ARL15: variants seen among roughly 807,000 people sequenced by gnomAD.
ARL15 encodes ARF like GTPase 15.
ARL15 carries 19 observed loss-of-function variants against 25.2 expected under a neutral mutation model. That is an observed-to-expected ratio of 0.75 (90% CI 0.53 to 1.10). The LOEUF (loss-of-function observed/expected upper bound fraction) is 1.10, where lower values mean the gene tolerates loss of function less well. Ranked by LOEUF, ARL15 falls within the 50% of genes least tolerant of loss-of-function variation. The pLI is 0.00. For missense variants in ARL15, 220 were observed against 246.0 expected, an observed-to-expected ratio of 0.89 and a Z score of 0.71; for synonymous variants, 94 against 86.8, an observed-to-expected ratio of 1.08 and a Z score of -0.46.
At chr5:54,127,947 G>A (rs917425323) in intron 3 of ARL15, among the ~76,000 whole-genome samples, 9 of 152,076 alleles carry the variant, frequency 5.9e-5, no homozygotes, top group Admixed American at 5.2e-4. Flanking sequence ...AAATGGTGCT[G>A]GGAAAACTGG....
intron 2 of ARL15, among the ~76,000 whole-genome samples, chr5:54,162,056 A>G (rs1404777065): frequency 6.6e-6 from 1 of 151,552 alleles, no homozygotes; most frequent in African/African-American, 2.4e-5. Flanking sequence ...ATGAACAACC[A>G]AAAGAATTCT....
At chr5:54,043,052 C>T (rs1168527357) in intron 4 of ARL15, among the ~76,000 whole-genome samples, 2 of 152,160 alleles carry the variant, frequency 1.3e-5, no homozygotes, top group Admixed American at 1.3e-4. Flanking sequence ...TACATGCCTT[C>T]CTGCCTTTAG....
intron 4 of ARL15, among the ~76,000 whole-genome samples, chr5:53,901,409 T>C (rs1288143811): frequency 6.6e-6 from 1 of 152,148 alleles, no homozygotes; most frequent in African/African-American, 2.4e-5. Flanking sequence ...TATATGTCTG[T>C]AAGCTAACAA....
intron 4 of ARL15, among the ~76,000 whole-genome samples, chr5:54,042,127 C>T (rs1413577196): frequency 6.6e-6 from 1 of 152,066 alleles, no homozygotes; most frequent in Non-Finnish European, 1.5e-5. Flanking sequence ...AGCGCCACCA[C>T]GCCTGGCTAA....
intron 3 of ARL15, among the ~76,000 whole-genome samples, chr5:54,121,720 T>C (rs1251852299): frequency 6.6e-6 from 1 of 152,186 alleles, no homozygotes; most frequent in Non-Finnish European, 1.5e-5. Context: ...CATGGACTCT[T>C]ACTGAGTTCA....
chr5:53,982,943 T>C (rs1748172902), intron 4 of ARL15, among the ~76,000 whole-genome samples: 1 of 152,228 alleles, frequency 6.6e-6, no homozygotes, highest in African/African-American at 2.4e-5. Flanking sequence ...CCAGTGATGA[T>C]GACTTTTTCA....
chr5:54,109,415 TG>T (rs888183828), intron 4 of ARL15, among the ~76,000 whole-genome samples: 1 of 152,018 alleles, frequency 6.6e-6, no homozygotes, highest in African/African-American at 2.4e-5. Context: ...GACTGTTTCA[TG>T]TTAACAAAAC....
At chr5:54,156,141 G>A (rs149272774) in intron 2 of ARL15, among the ~76,000 whole-genome samples, 19 of 152,214 alleles carry the variant, frequency 1.2e-4, no homozygotes, top group Non-Finnish European at 2.4e-4. Context: ...TCTTAGTCTA[G>A]CCTATCTTTT....
At chr5:53,926,840 G>C (rs72763157) in intron 4 of ARL15, among the ~76,000 whole-genome samples, 9,338 of 151,622 alleles carry the variant, frequency 0.062, 313 homozygotes, top group Middle Eastern at 0.089. Flanking sequence ...AATGAGCCAG[G>C]AAAACCCCCC....
intron 3 of ARL15, among the ~76,000 whole-genome samples, chr5:54,131,946 A>G (rs1477393434): frequency 2.0e-4 from 31 of 152,138 alleles, no homozygotes; most frequent in Admixed American, 2.0e-3. Flanking sequence ...GGCAGAAATT[A>G]GTAAGAGGTA....
At chr5:53,908,104 A>T (rs1364649533) in intron 4 of ARL15, among the ~76,000 whole-genome samples, 1 of 152,228 alleles carries the variant, frequency 6.6e-6, no homozygotes, top group African/African-American at 2.4e-5. Context: ...ATATAAAAAG[A>T]TATTTTGAAA....
intron 1 of ARL15, among the ~76,000 whole-genome samples, chr5:54,209,867 C>T (rs1270841152): frequency 6.6e-6 from 1 of 152,090 alleles, no homozygotes; most frequent in Non-Finnish European, 1.5e-5. Context: ...CCTATCTTCT[C>T]CCTCAAAGAA....
chr5:54,077,942 C>T (rs1294377936), intron 4 of ARL15, among the ~76,000 whole-genome samples: 1 of 151,988 alleles, frequency 6.6e-6, no homozygotes, highest in Non-Finnish European at 1.5e-5. Flanking sequence ...ATTAATAAAG[C>T]GTTATGGGAA....
At chr5:53,955,448 T>G (rs367969530) in intron 4 of ARL15, among the ~76,000 whole-genome samples, 19 of 152,260 alleles carry the variant, frequency 1.2e-4, no homozygotes, top group African/African-American at 4.1e-4. Context: ...TAAGAAAGAA[T>G]TTTTCGATAA....
At chr5:54,101,654 G>C (rs146230250) in intron 4 of ARL15, among the ~76,000 whole-genome samples, 27 of 150,252 alleles carry the variant, frequency 1.8e-4, no homozygotes, top group Middle Eastern at 3.4e-3. Flanking sequence ...AAAAAAGATA[G>C]CTATAGTGCT....
chr5:54,306,534 G>T (rs1385488175), intron 1 of ARL15, among the ~76,000 whole-genome samples: 1 of 151,948 alleles, frequency 6.6e-6, no homozygotes, highest in South Asian at 2.1e-4. Context: ...GAGATTACAG[G>T]CATGCGCCAC....
intron 4 of ARL15, among the ~76,000 whole-genome samples, chr5:53,974,400 A>T (rs1747863324): frequency 6.6e-6 from 1 of 152,190 alleles, no homozygotes; most frequent in African/African-American, 2.4e-5. Flanking sequence ...AATCTATAAA[A>T]CACGCCCTGC....
At chr5:54,134,063 A>G (rs1466053925) in intron 3 of ARL15, among the ~76,000 whole-genome samples, 2 of 152,174 alleles carry the variant, frequency 1.3e-5, no homozygotes, top group African/African-American at 4.8e-5. Context: ...CTCAGATGTA[A>G]CTGCAAAACT....
chr5:53,925,450 G>A (rs1745987999), intron 4 of ARL15, among the ~76,000 whole-genome samples: 1 of 152,104 alleles, frequency 6.6e-6, no homozygotes, highest in African/African-American at 2.4e-5. Context: ...TCTTGCCTTG[G>A]TGTCCCAAAG....
Sources: gnomAD v4.1 joint callset for allele counts (sites outside exome capture counted in the v4.1 genomes callset) on GRCh38, gnomAD v4.1.1 for gene constraint, MANE v1.5 for transcripts, NCBI Gene and HGNC (gene_info 2026-07-23, HGNC 2026-07-21) for gene names.